The following ADAM12 variants were observed in gnomAD, a reference collection of about 807,000 sequenced individuals.
ADAM12 encodes ADAM metallopeptidase domain 12.
Under a neutral mutation model 106.4 loss-of-function variants are expected in ADAM12, and 70 were observed. The observed-to-expected ratio is 0.66, with a 90% CI of 0.54 to 0.80. The LOEUF (loss-of-function observed/expected upper bound fraction) is 0.80, where lower values mean the gene tolerates loss of function less well. Ranked by LOEUF, ADAM12 falls within the 30% of genes least tolerant of loss-of-function variation. The pLI, the probability that ADAM12 is intolerant of heterozygous loss-of-function variation, is 0.00. For missense variants in ADAM12, 1,010 were observed against 1,171.9 expected (o/e 0.86, Z 2.02); for synonymous variants, 420 against 433.5 (o/e 0.97, Z 0.39).
intron 11 of ADAM12, among the ~76,000 whole-genome samples, chr10:126,082,842 G>T (rs1340867974): frequency 6.6e-6 from 1 of 152,136 alleles, no homozygotes; most frequent in African/African-American, 2.4e-5. Context: ...ACAGTATGAG[G>T]GGGCAGGGGA....
In ADAM12 at chr10:126,233,477, A is replaced by C. The variant is rs61863425; in HGVS notation, c.260+45438T>G. Among the ~76,000 whole-genome samples the C allele has an allele frequency of 2.6e-3, 395 of 152,198 alleles. 1 individual carries two copies. Among genetic ancestry groups the C allele is most frequent in the Admixed American group, 6.3e-3 (96 of 15,290 alleles). On this transcript the variant is annotated intron_variant, in intron 3 of 22. Transcript: ENST00000448723. Reference sequence around the variant, plus strand: ...GGGACCAGGAGTGGAGAAAGAGAGAAAAGTAGAGAGGCACCGCAGGGCCCA... The same window carrying C: ...GGGACCAGGAGTGGAGAAAGAGAGACAAGTAGAGAGGCACCGCAGGGCCCA...
chr10:126,090,393 AT>A, intron 11 of ADAM12, among the ~76,000 whole-genome samples: 1 of 151,598 alleles, frequency 6.6e-6, no homozygotes, highest in Admixed American at 6.6e-5. Context: ...AGGAAGTGAC[AT>A]TTACTATTAC....
chr10:126,151,634 T>A (rs1956729970), intron 4 of ADAM12, among the ~76,000 whole-genome samples: 1 of 152,094 alleles, frequency 6.6e-6, no homozygotes, highest in Admixed American at 6.5e-5. Context: ...ATTATTCTTT[T>A]TTTCTCAGGA....
chr10:126,037,492 T>G (rs1397075333), intron 20 of ADAM12, among the ~76,000 whole-genome samples: 1 of 152,230 alleles, frequency 6.6e-6, no homozygotes, highest in Non-Finnish European at 1.5e-5. Context: ...TATTGCCTAC[T>G]GCATATGCAG....
chr10:126,077,104 C>A (rs1228995236), intron 11 of ADAM12, among the ~76,000 whole-genome samples: 1 of 152,074 alleles, frequency 6.6e-6, no homozygotes, highest in East Asian at 1.9e-4. Flanking sequence ...TTCTCTACAC[C>A]AATAATGTTC....
chr10:126,104,086 T>C (rs773387743), intron 8 of ADAM12, among the ~76,000 whole-genome samples: 1 of 152,174 alleles, frequency 6.6e-6, no homozygotes, highest in Non-Finnish European at 1.5e-5. Context: ...GGAAACTGCA[T>C]CCTTCAGGCA....
intron 4 of ADAM12, among the ~76,000 whole-genome samples, chr10:126,138,863 C>A (rs7893504): frequency 0.2 from 29,817 of 147,516 alleles, 3,353 homozygotes; most frequent in Non-Finnish European, 0.26. Context: ...ATATTTACAT[C>A]TTTAGCCATC....
intron 11 of ADAM12, among the ~76,000 whole-genome samples, chr10:126,077,947 G>A (rs1565038492): frequency 6.6e-6 from 1 of 152,008 alleles, no homozygotes; most frequent in East Asian, 1.9e-4. Flanking sequence ...CCCAATGACT[G>A]CCCCCCAATA....
chr10:126,118,149 G>C lies in ADAM12; in HGVS notation c.492C>G (p.Phe164Leu), dbSNP rs1365088875. The change falls in exon 6 of 23, where the codon TTC (phenylalanine) becomes TTG (leucine). Residue 164 changes from phenylalanine to leucine, a missense_variant. Physicochemically the swap from Phe to Leu is conservative, Grantham distance 22. Coordinates refer to ENST00000448723, the MANE Select transcript of ADAM12 (RefSeq NM_001288973.2). ...MKSATNRYKL[F>L]PAKKLKSVRG... ...GGACGCTTTTCAGCTTCTTCGCTGG[G>C]AAGAGTTTGTATCTGTTGGTTGCAC... The C allele has an allele frequency of 6.2e-7, 1 of 1,614,044 alleles. No individual in the cohort carries two copies. The highest frequency in any genetic ancestry group is 1.3e-5 in the African/African-American group (1 of 75,050).
At chr10:126,282,110 C>T (rs899049131) in intron 2 of ADAM12, among the ~76,000 whole-genome samples, 9 of 152,136 alleles carry the variant, frequency 5.9e-5, no homozygotes, top group Admixed American at 1.3e-4. Flanking sequence ...AAGGCATTGG[C>T]AGGTTTGGTT....
chr10:126,199,587 C>T (rs1452543384), intron 3 of ADAM12, among the ~76,000 whole-genome samples: 11 of 152,196 alleles, frequency 7.2e-5, no homozygotes, highest in African/African-American at 2.2e-4. Flanking sequence ...GAAGCTGCTG[C>T]TGCTTCCCAG....
chr10:126,032,110 T>C (rs1263512213), intron 21 of ADAM12, among the ~76,000 whole-genome samples: 1 of 152,338 alleles, frequency 6.6e-6, no homozygotes, highest in African/African-American at 2.4e-5. Context: ...GCTTACAGTT[T>C]AAATGTGAGG....
intron 3 of ADAM12, among the ~76,000 whole-genome samples, chr10:126,166,902 G>T (rs1191078666): frequency 6.6e-6 from 1 of 152,192 alleles, no homozygotes; most frequent in Non-Finnish European, 1.5e-5. Flanking sequence ...TTGTAAACCT[G>T]ATAAACGATT....
intron 19 of ADAM12, 87 bp downstream of exon 19, chr10:126,039,207 A>G (rs1954115204): frequency 2.0e-6 from 3 of 1,514,188 alleles, no homozygotes; most frequent in African/African-American, 1.4e-5. Context: ...TCAGCCTCCC[A>G]AAGTGCTGGG....
intron 21 of ADAM12, among the ~76,000 whole-genome samples, chr10:126,025,455 A>G (rs1564993850): frequency 7.2e-6 from 1 of 138,276 alleles, no homozygotes; most frequent in African/African-American, 2.6e-5. Flanking sequence ...CTTGAAGACT[A>G]TCCTGAAATA....
At chr10:126,347,129 A>G (rs562575730) in intron 1 of ADAM12, among the ~76,000 whole-genome samples, 1 of 152,256 alleles carries the variant, frequency 6.6e-6, no homozygotes, top group Admixed American at 6.5e-5. Flanking sequence ...AATGGTCTTT[A>G]CAATTTGGCA....
intron 21 of ADAM12, among the ~76,000 whole-genome samples, chr10:126,023,719 A>T (rs1359811556): frequency 3.3e-5 from 5 of 152,174 alleles, no homozygotes; most frequent in African/African-American, 1.2e-4. Flanking sequence ...CTGTCACCAC[A>T]AATTGTCCTT....
At chr10:126,259,789 C>T (rs756072227) in intron 3 of ADAM12, among the ~76,000 whole-genome samples, 23 of 152,304 alleles carry the variant, frequency 1.5e-4, no homozygotes, top group South Asian at 2.1e-4. Context: ...AGTTCCAAAA[C>T]GCTCAGTAAG....
Position 126,225,060 on chromosome 10 carries a change from G to T in ADAM12, c.260+53855C>A, listed in dbSNP as rs574116355. ...TTAGAAAGGGGGCACCCCCGAAGAG[G>T]GCGGGATCCTCTGAGCCCACTGTTT... is the stretch of plus-strand genomic sequence containing the variant. On this transcript the variant is annotated intron_variant, in intron 3 of 22. Transcript: ENST00000448723. Among the ~76,000 whole-genome samples, 26 of 152,358 alleles carry T rather than the reference G, an allele frequency of 1.7e-4. No homozygotes were observed. The South Asian group carries it at 5.0e-3, about 29-fold the overall frequency.
Sources: allele counts gnomAD v4.1 joint callset (sites outside exome capture counted in the v4.1 genomes callset), GRCh38; gene constraint gnomAD v4.1.1; transcripts MANE v1.5; gene names NCBI Gene and HGNC (gene_info 2026-07-23, HGNC 2026-07-21).